The following LRRC3B variants were observed in gnomAD, a reference collection of about 807,000 sequenced individuals.
The protein encoded by LRRC3B is leucine rich repeat containing 3B.
In LRRC3B, 2 loss-of-function variants were observed where a neutral mutation model predicts 12.8. That is an observed-to-expected ratio of 0.16 (90% confidence interval 0.06 to 0.49). The LOEUF is 0.49. Among genes scored for constraint, LRRC3B ranks in the 20% least tolerant of loss-of-function variants. The probability of loss-of-function intolerance (pLI) is 0.96; values close to 1 mark genes in which losing one functional copy is unlikely to be tolerated. For synonymous variants in LRRC3B, 132 were observed against 122.0 expected (o/e 1.08, Z -0.54); for missense variants, 189 against 319.4 (o/e 0.59, Z 3.11).
At chr3:26,706,359 T>G (rs1231266323) in intron 1 of LRRC3B, among the ~76,000 whole-genome samples, 4 of 152,184 alleles carry the variant, frequency 2.6e-5, no homozygotes, top group African/African-American at 9.7e-5. Context: ...CTGCATCTTT[T>G]GTCACTTTAT....
chr3:26,679,478 A>G (rs947414153), intron 1 of LRRC3B, among the ~76,000 whole-genome samples: 1 of 152,178 alleles, frequency 6.6e-6, no homozygotes, highest in Non-Finnish European at 1.5e-5. Context: ...GTCTTGGTAC[A>G]TGGTGTTCCT....
intron 1 of LRRC3B, among the ~76,000 whole-genome samples, chr3:26,678,343 A>G (rs994593183): frequency 7.9e-5 from 12 of 152,048 alleles, no homozygotes; most frequent in Non-Finnish European, 1.6e-4. Flanking sequence ...AACATACAAA[A>G]ATTAGCTGGG....
At position 26,636,930 on chromosome 3, in the gene LRRC3B, C is replaced by CTTTCTTTCTTT. The variant is rs1307443322; in HGVS notation, c.-161+13694_-161+13704dup. Among the ~76,000 whole-genome samples the CTTTCTTTCTTT allele has an allele frequency of 3.2e-4, 31 of 97,098 alleles. 3 individuals carry two copies. Among genetic ancestry groups the CTTTCTTTCTTT allele is most frequent in the African/African-American group, 1.3e-3 (25 of 18,852 alleles). The allele number at this position is 97,098 out of a possible 152,430, so 63.7% of individuals were successfully genotyped here. On this transcript the variant is annotated intron_variant, in intron 1 of 1. Transcript: ENST00000396641. ...TCTCTCTTTCTCTCTTTCTTTCTTT[C>CTTTCTTTCTTT]TTTCTTTCTTTCTTTCTTTCTTTCT...
intron 1 of LRRC3B, among the ~76,000 whole-genome samples, chr3:26,691,119 A>ATATATATATATG (rs1172748950): frequency 7.1e-6 from 1 of 140,888 alleles, no homozygotes; most frequent in Non-Finnish European, 1.6e-5. Flanking sequence ...ATATATATAT[A>ATATATATATATG]TATATATATA....
chr3:26,699,720 A>G (rs1700407431), intron 1 of LRRC3B, among the ~76,000 whole-genome samples: 1 of 152,194 alleles, frequency 6.6e-6, no homozygotes, highest in African/African-American at 2.4e-5. Context: ...TATGTAGATT[A>G]GATGTTAAAA....
chr3:26,661,840 C>T (rs1221968495), intron 1 of LRRC3B, among the ~76,000 whole-genome samples: 1 of 152,168 alleles, frequency 6.6e-6, no homozygotes, highest in Non-Finnish European at 1.5e-5. Flanking sequence ...TCTTTAGATT[C>T]TACCAGCTCA....
intron 1 of LRRC3B, among the ~76,000 whole-genome samples, chr3:26,706,016 T>A (rs1700577732): frequency 6.6e-6 from 1 of 152,144 alleles, no homozygotes; most frequent in African/African-American, 2.4e-5. Context: ...GCAATAGAAA[T>A]TTATTTCTTA....
In LRRC3B at chr3:26,689,638, A is replaced by G. The variant is rs754264118; in HGVS notation, c.-160-19875A>G. 2.0e-5 allele frequency among the ~76,000 whole-genome samples: 3 copies of G among 152,148 alleles called. No individual in the cohort carries two copies. The East Asian group carries it at 5.8e-4, about 29-fold the overall frequency. On this transcript the variant is annotated intron_variant, in intron 1 of 1. Transcript: ENST00000396641. ...TCTCCTGCTCTTTCTCCATTTCCAT[A>G]TGGACTTCCATAAAGAGGTGGCAAA...
chr3:26,655,200 G>T (rs760754168), intron 1 of LRRC3B, among the ~76,000 whole-genome samples: 15 of 151,994 alleles, frequency 9.9e-5, no homozygotes, highest in Non-Finnish European at 1.9e-4. Flanking sequence ...ATACTCTACT[G>T]CAGTGAATTA....
chr3:26,671,373 TAGAGAGAGAGAG>T (rs1195473054), intron 1 of LRRC3B, among the ~76,000 whole-genome samples: 17 of 28,258 alleles, frequency 6.0e-4, no homozygotes, highest in African/African-American at 1.5e-3. Context: ...TATATATATA[TAGAGAGAGAGAG>T]AGAGAGAGAG....
At chr3:26,689,685 G>A (rs1700151366) in intron 1 of LRRC3B, among the ~76,000 whole-genome samples, 1 of 152,208 alleles carries the variant, frequency 6.6e-6, no homozygotes, top group Non-Finnish European at 1.5e-5. Context: ...TAAGGGTAGA[G>A]TGGCCCACCC....
At chr3:26,710,318 A>G in exon 2 of LRRC3B, 2 of 1,614,060 alleles carry the variant, frequency 1.2e-6, no homozygotes, top group Non-Finnish European at 1.7e-6. Flanking sequence ...CTGGTTCACT[A>G]TGGTGATCTC....
chr3:26,693,810 G>A (rs1210643799), intron 1 of LRRC3B, among the ~76,000 whole-genome samples: 4 of 152,264 alleles, frequency 2.6e-5, no homozygotes, highest in African/African-American at 9.6e-5. Flanking sequence ...GCCTTTAAGG[G>A]TAATAGTATT....
chr3:26,693,983 C>T (rs2125451703), intron 1 of LRRC3B, among the ~76,000 whole-genome samples: 1 of 152,262 alleles, frequency 6.6e-6, no homozygotes, highest in Middle Eastern at 3.4e-3. Context: ...TTAGTGATAA[C>T]TATTGATTAT....
intron 1 of LRRC3B, among the ~76,000 whole-genome samples, chr3:26,652,553 G>T (rs534844309): frequency 9.9e-4 from 151 of 152,332 alleles, no homozygotes; most frequent in African/African-American, 3.4e-3. Context: ...GGGAAAATGT[G>T]TAGGAATCCT....
intron 1 of LRRC3B, among the ~76,000 whole-genome samples, chr3:26,706,461 A>G (rs1380858837): frequency 6.6e-6 from 1 of 152,186 alleles, no homozygotes; most frequent in East Asian, 1.9e-4. Context: ...TTTATCAAAC[A>G]TAATAGAAAA....
At chr3:26,636,864 C>CCCTTCCTT (rs1202159814) in intron 1 of LRRC3B, among the ~76,000 whole-genome samples, 13 of 66,942 alleles carry the variant, frequency 1.9e-4, no homozygotes, top group East Asian at 9.2e-4. Context: ...CTCCCTCCCT[C>CCCTTCCTT]CCTTCCTTCC....
exon 2 of LRRC3B, chr3:26,709,841 G>A (rs1447656470): frequency 1.2e-6 from 2 of 1,613,920 alleles, no homozygotes; most frequent in South Asian, 1.1e-5. Context: ...AAATCTCAAG[G>A]AAATACCTAG....
intron 1 of LRRC3B, among the ~76,000 whole-genome samples, chr3:26,642,371 G>A: frequency 6.6e-6 from 1 of 152,184 alleles, no homozygotes; most frequent in East Asian, 1.9e-4. Flanking sequence ...GGGGATACCA[G>A]CAGACCTTGT....
Sources: allele counts gnomAD v4.1 joint callset (sites outside exome capture counted in the v4.1 genomes callset), GRCh38; gene constraint gnomAD v4.1.1; transcripts MANE v1.5; gene names NCBI Gene and HGNC (gene_info 2026-07-23, HGNC 2026-07-21).